The following FAM227A variants were observed in gnomAD, a reference collection of about 807,000 sequenced individuals.
FAM227A encodes the protein protein FAM227A.
Under a neutral mutation model 74.7 loss-of-function variants are expected in FAM227A, and 80 were observed. The ratio of observed to expected loss-of-function variants is 1.07; its 90% confidence interval spans 0.89 to 1.29. The LOEUF (loss-of-function observed/expected upper bound fraction) is 1.29, where lower values mean the gene tolerates loss of function less well. FAM227A is among the 50% of genes most tolerant of loss of function. FAM227A has a pLI of 0.00. For synonymous variants in FAM227A, 237 were observed against 241.8 expected (o/e 0.98, Z 0.19); for missense variants, 654 against 683.4 (o/e 0.96, Z 0.48).
intron 2 of FAM227A, among the ~76,000 whole-genome samples, chr22:38,647,124 G>A (rs775071623): frequency 3.3e-5 from 5 of 150,632 alleles, no homozygotes; most frequent in Admixed American, 2.0e-4. Context: ...ACTCCAGCCC[G>A]TGCGATGGTG....
chr22:38,621,364 GAAAGA>G (rs770361129), intron 10 of FAM227A, among the ~76,000 whole-genome samples: 12 of 116,036 alleles, frequency 1.0e-4, no homozygotes, highest in Non-Finnish European at 1.7e-4. Flanking sequence ...AAAAAAAAAA[GAAAGA>G]AAAGAAAAGA....
At chr22:38,597,149 T>C in intron 15 of FAM227A, 55 bp downstream of exon 15, 1 of 1,516,418 alleles carries the variant, frequency 6.6e-7, no homozygotes, top group Non-Finnish European at 9.0e-7. Flanking sequence ...ATGATGATCG[T>C]GTGCTGCAAA....
At chr22:38,633,128 G>A (rs955968846) in intron 6 of FAM227A, among the ~76,000 whole-genome samples, 2 of 152,200 alleles carry the variant, frequency 1.3e-5, no homozygotes, top group African/African-American at 4.8e-5. Context: ...GGGAGGTAAC[G>A]GAGGAGAGGA....
At chr22:38,637,266 T>C (rs1428590784) in intron 5 of FAM227A, among the ~76,000 whole-genome samples, 1 of 152,210 alleles carries the variant, frequency 6.6e-6, no homozygotes, top group Non-Finnish European at 1.5e-5. Flanking sequence ...TAAGATGATA[T>C]ATCCTGTTAA....
intron 15 of FAM227A, among the ~76,000 whole-genome samples, chr22:38,591,765 G>A (rs756398661): frequency 6.6e-6 from 1 of 152,060 alleles, no homozygotes; most frequent in Non-Finnish European, 1.5e-5. Context: ...GAAAGAGAAC[G>A]CTGCCAGCTC....
intron 3 of FAM227A, among the ~76,000 whole-genome samples, chr22:38,641,482 C>T (rs778969892): frequency 3.4e-5 from 5 of 146,204 alleles, no homozygotes; most frequent in South Asian, 2.2e-4. Flanking sequence ...ACTTGGGAGG[C>T]GGAGGTTGCA....
intron 10 of FAM227A, 28 bp downstream of exon 10, chr22:38,623,144 A>C (rs935679797): frequency 1.0e-5 from 15 of 1,460,944 alleles, no homozygotes; most frequent in Middle Eastern, 1.7e-4. Flanking sequence ...GTGGCAAAGA[A>C]GGCGGGAGGC....
rs1181329890 is a variant in FAM227A at position 38,638,939 on chromosome 22, C to G, written c.296-117G>C. On this transcript the variant is annotated intron_variant, in intron 4 of 16. Transcript: ENST00000535113. ...GAGCTGCCAGAGGACACTCCTACTACTAGTCTCATAGGTCCCAACTGTGTT... is the reference window on the plus strand; with the variant it reads ...GAGCTGCCAGAGGACACTCCTACTAGTAGTCTCATAGGTCCCAACTGTGTT... 1.6e-5 allele frequency: 10 copies of G among 634,034 alleles called. No individual in the cohort carries two copies. The East Asian group carries it at 2.3e-4, about 15-fold the overall frequency. The allele number at this position is 634,034 out of a possible 1,614,324, so 39.3% of individuals were successfully genotyped here. A position where few individuals can be genotyped will look rare whatever the true frequency, so the allele number is the denominator to read the frequency against.
In FAM227A at chr22:38,581,374, G is replaced by A. The variant is rs1373744388; in HGVS notation, c.*4751C>T. The A allele has an allele frequency of 1.3e-5, 2 of 152,176 alleles. No homozygotes were observed. The highest frequency in any genetic ancestry group is 4.8e-5 in the African/African-American group (2 of 41,432). The allele number at this position is 152,176 out of a possible 1,614,324, so 9.4% of individuals were successfully genotyped here. On this transcript the variant is annotated 3_prime_UTR_variant, in exon 17 of 17. Transcript: ENST00000535113. ...GGGCAAATAGTATTTCAAGACCACA[G>A]TCTGGGTCACTGCTGCCGGGTCAGT...
In FAM227A at chr22:38,642,850, C is replaced by A. The variant is rs188751190; in HGVS notation, c.225+2713G>T. On this transcript the variant is annotated intron_variant, in intron 3 of 16. Coordinates refer to ENST00000535113, the MANE Select transcript of FAM227A (RefSeq NM_001013647.2). ...ATTAGGGAGGCTGAGGCAGGAGAAT[C>A]GTTTGAACCCAGGAGGTGGAGGTTG... Among the ~76,000 whole-genome samples, 225 of 152,164 alleles carry A rather than the reference C, an allele frequency of 1.5e-3. 12 individuals carry two copies. The highest frequency in any genetic ancestry group is 0.015 in the Admixed American group (225 of 15,290).
chr22:38,631,063 G>A (rs984043474), intron 6 of FAM227A, among the ~76,000 whole-genome samples: 4 of 152,188 alleles, frequency 2.6e-5, no homozygotes, highest in Admixed American at 1.3e-4. Flanking sequence ...AGGCCCTTGA[G>A]AGGCTGAGGC....
intron 2 of FAM227A, among the ~76,000 whole-genome samples, chr22:38,648,903 C>T (rs539505722): frequency 9.5e-5 from 14 of 147,516 alleles, no homozygotes; most frequent in Non-Finnish European, 1.8e-4. Context: ...ACCTGGGAGG[C>T]AGAGGTTGCA....
chr22:38,631,029 G>A (rs1481534396), intron 6 of FAM227A, among the ~76,000 whole-genome samples: 1 of 152,158 alleles, frequency 6.6e-6, no homozygotes, highest in Non-Finnish European at 1.5e-5. Flanking sequence ...TTAGCCAGGT[G>A]TGGTGATGCG....
At position 38,582,743 on chromosome 22, in the gene FAM227A, G is replaced by C; in HGVS notation, c.*3382C>G. On this transcript the variant is annotated 3_prime_UTR_variant, in exon 17 of 17. Transcript: ENST00000535113. Reference sequence around the variant, plus strand: ...TAAGGAGACCTTCTTGCTGTATGGGGGCTAATAGTAGCGGTGGATAGGTAG... The same window carrying C: ...TAAGGAGACCTTCTTGCTGTATGGGCGCTAATAGTAGCGGTGGATAGGTAG... The C allele has an allele frequency of 7.5e-7, 1 of 1,337,660 alleles. No individual in the cohort carries two copies. The highest frequency in any genetic ancestry group is 1.3e-5 in the South Asian group (1 of 76,290). The allele number at this position is 1,337,660 out of a possible 1,614,324, so 82.9% of individuals were successfully genotyped here. A position where few individuals can be genotyped will look rare whatever the true frequency, so the allele number is the denominator to read the frequency against.
At position 38,583,016 on chromosome 22, in the gene FAM227A, GA is replaced by G; in HGVS notation, c.*3108del. The G allele has an allele frequency of 6.6e-7, 1 of 1,515,510 alleles. No homozygotes were observed. The highest frequency in any genetic ancestry group is 8.9e-7 in the Non-Finnish European group (1 of 1,117,564). The allele number at this position is 1,515,510 out of a possible 1,614,324, so 93.9% of individuals were successfully genotyped here. On this transcript the variant is annotated 3_prime_UTR_variant, in exon 17 of 17. Transcript: ENST00000535113. ...GAAGCAGCAACAGACAAAAGATCCA[GA>G]AATAGGAAAGTGTGGTTCCTAGAGA...
intron 8 of FAM227A, among the ~76,000 whole-genome samples, chr22:38,627,691 G>A (rs868819778): frequency 1.3e-5 from 2 of 151,894 alleles, no homozygotes; most frequent in African/African-American, 2.4e-5. Flanking sequence ...TGCAACCTCC[G>A]CCTCCCGGGT....
At chr22:38,654,775 CAAAAA>C (rs34383650) in intron 1 of FAM227A, among the ~76,000 whole-genome samples, 2 of 84,938 alleles carry the variant, frequency 2.4e-5, no homozygotes, top group African/African-American at 9.2e-5. Flanking sequence ...CTAAAAATAC[CAAAAA>C]AAAAAAAAAA....
At chr22:38,590,457 C>T (rs2090908160) in intron 16 of FAM227A, among the ~76,000 whole-genome samples, 1 of 151,992 alleles carries the variant, frequency 6.6e-6, no homozygotes, top group African/African-American at 2.4e-5. Flanking sequence ...GCAGAGGCAG[C>T]TTGAAAAAGA....
At chr22:38,655,704 CT>C in intron 1 of FAM227A, among the ~76,000 whole-genome samples, 1 of 152,030 alleles carries the variant, frequency 6.6e-6, no homozygotes, top group Non-Finnish European at 1.5e-5. Context: ...ATGTGGCCTG[CT>C]TTATGTTTCT....
Sources: gnomAD v4.1 joint callset for allele counts (sites outside exome capture counted in the v4.1 genomes callset) on GRCh38, gnomAD v4.1.1 for gene constraint, MANE v1.5 for transcripts, NCBI Gene and HGNC (gene_info 2026-07-23, HGNC 2026-07-21) for gene names.